CELF6: variants seen among roughly 807,000 people sequenced by gnomAD.
The protein encoded by CELF6 is CUGBP Elav-like family member 6.
Under a neutral mutation model 53.1 loss-of-function variants are expected in CELF6, and 32 were observed. The observed-to-expected ratio is 0.60, with a 90% CI of 0.46 to 0.81. The LOEUF (loss-of-function observed/expected upper bound fraction) is 0.81. CELF6 is among the 30% of genes least tolerant of loss of function. CELF6 has a pLI of 0.00. For missense variants in CELF6, 539 were observed against 669.5 expected (o/e 0.81, Z 2.15); for synonymous variants, 291 against 288.8 (o/e 1.01, Z -0.08).
In CELF6 at chr15:72,289,211, G is replaced by A. The variant is rs1279784294; in HGVS notation, c.957C>T (p.Gly319=). 6.4e-6 allele frequency: 10 copies of A among 1,573,178 alleles called. No homozygotes were observed. Among genetic ancestry groups the A allele is most frequent in the Middle Eastern group, 1.7e-4 (1 of 5,908 alleles). ...LPAPIGVNGF[G]PLTPQTNGQP... ...GGCCATTGGTCTGGGGGGTCAGAGGGCCGAATCCATTGACCCCGATGGGCG... is the reference window on the plus strand; with the variant it reads ...GGCCATTGGTCTGGGGGGTCAGAGGACCGAATCCATTGACCCCGATGGGCG... The change falls in exon 8 of 13, where the codon GGC becomes GGT. Residue 319 remains glycine, a synonymous_variant. Coordinates refer to ENST00000287202, the MANE Select transcript of CELF6 (RefSeq NM_052840.5). This position sits in a 1 kb window ranked among gnomAD's most constrained non-coding sequence, Gnocchi z 7.6.
chr15:72,294,567 C>CA (rs1468803462), intron 3 of CELF6, among the ~76,000 whole-genome samples: 1 of 152,068 alleles, frequency 6.6e-6, no homozygotes, highest in Non-Finnish European at 1.5e-5. Flanking sequence ...ATTCCACACA[C>CA]AAAAAAACTG....
intron 2 of CELF6, among the ~76,000 whole-genome samples, chr15:72,310,933 A>G (rs961292864): frequency 1.3e-5 from 2 of 152,154 alleles, no homozygotes. Context: ...GCTGCCCAAC[A>G]TGCACGATTC....
At chr15:72,309,113 A>C (rs1252830569) in intron 2 of CELF6, among the ~76,000 whole-genome samples, 1 of 152,174 alleles carries the variant, frequency 6.6e-6, no homozygotes, top group Admixed American at 6.5e-5. Context: ...GGGTCTCACT[A>C]TGTTGCCCAG....
At chr15:72,291,323 C>T (rs1370828222) in intron 3 of CELF6, among the ~76,000 whole-genome samples, 2 of 152,178 alleles carry the variant, frequency 1.3e-5, no homozygotes, top group Non-Finnish European at 2.9e-5. Flanking sequence ...GGGGTCCAGC[C>T]TGCTGTTAAA....
chr15:72,309,215 G>A (rs1170348465), intron 2 of CELF6, among the ~76,000 whole-genome samples: 1 of 152,184 alleles, frequency 6.6e-6, no homozygotes, highest in African/African-American at 2.4e-5. Flanking sequence ...GCCCAGACAG[G>A]AAAGGGTTTT....
chr15:72,299,800 G>C (rs554714486), intron 3 of CELF6, among the ~76,000 whole-genome samples: 127 of 152,320 alleles, frequency 8.3e-4, no homozygotes, highest in Non-Finnish European at 1.2e-3. Flanking sequence ...TAGGCCTGGA[G>C]TGTGGAGTAT....
At chr15:72,308,478 C>T (rs541258774) in intron 2 of CELF6, among the ~76,000 whole-genome samples, 5 of 152,168 alleles carry the variant, frequency 3.3e-5, no homozygotes, top group South Asian at 2.1e-4. Flanking sequence ...CTGCCTGCCT[C>T]GGCCTCCCAA....
intron 3 of CELF6, among the ~76,000 whole-genome samples, chr15:72,303,970 GCCTC>G (rs1244616398): frequency 6.6e-6 from 1 of 152,040 alleles, no homozygotes; most frequent in East Asian, 1.9e-4. Context: ...CGATTCTCCT[GCCTC>G]AGCCTCCCTG....
intron 2 of CELF6, among the ~76,000 whole-genome samples, chr15:72,311,319 C>T (rs1169498543): frequency 6.6e-6 from 1 of 150,684 alleles, no homozygotes; most frequent in East Asian, 2.0e-4. Context: ...TACGGTTTGA[C>T]TCTGGGACTC....
chr15:72,288,958 A>G lies in CELF6; in HGVS notation c.1031-28T>C, dbSNP rs2087960276. The G allele has an allele frequency of 1.3e-6, 2 of 1,543,998 alleles. No homozygotes were observed. The highest frequency in any genetic ancestry group is 2.4e-5 in the East Asian group (1 of 40,892). On this transcript the variant is annotated intron_variant, in intron 8 of 12. Coordinates refer to ENST00000287202, the MANE Select transcript of CELF6 (RefSeq NM_052840.5). The surrounding 1 kb of genome is among the most constrained non-coding windows in gnomAD (Gnocchi z 4.6). Reference sequence around the variant, plus strand: ...GGGGAGAGAGGGGCGCGAGGCCCACAGTGAAGGCAAGCGGGCGAGCAGAGT... The same window carrying G: ...GGGGAGAGAGGGGCGCGAGGCCCACGGTGAAGGCAAGCGGGCGAGCAGAGT...
intron 2 of CELF6, among the ~76,000 whole-genome samples, chr15:72,308,021 G>A (rs914750070): frequency 1.3e-5 from 2 of 152,132 alleles, no homozygotes; most frequent in Non-Finnish European, 2.9e-5. Context: ...CACTTGGCAT[G>A]GGAGTAGCCA....
chr15:72,316,894 G>C (rs554583059), intron 1 of CELF6, among the ~76,000 whole-genome samples: 1 of 152,292 alleles, frequency 6.6e-6, no homozygotes, highest in African/African-American at 2.4e-5. Context: ...AAATCATGAG[G>C]GACCCCTAAA....
intron 2 of CELF6, among the ~76,000 whole-genome samples, chr15:72,307,467 T>C (rs535025695): frequency 4.6e-5 from 7 of 152,334 alleles, no homozygotes; most frequent in African/African-American, 1.2e-4. Flanking sequence ...TACCATTTCC[T>C]GAGAGCCCAC....
At chr15:72,311,173 G>A (rs1205514466) in intron 2 of CELF6, among the ~76,000 whole-genome samples, 2 of 150,266 alleles carry the variant, frequency 1.3e-5, no homozygotes, top group Non-Finnish European at 3.0e-5. Flanking sequence ...TTGTATTTTT[G>A]TATTTTTAGT....
Position 72,315,865 on chromosome 15 carries a change from C to A in CELF6, c.325G>T (p.Glu109Ter). The A allele has an allele frequency of 6.2e-7, 1 of 1,604,518 alleles. No homozygotes were observed. The highest frequency in any genetic ancestry group is 1.7e-5 in the Admixed American group (1 of 58,646). ...CTTACCCCTGGCAGGGTCTTCTGCTCGTGCAGTGCACTCTGGGCCTTGAGA... is the reference window on the plus strand; with the variant it reads ...CTTACCCCTGGCAGGGTCTTCTGCTAGTGCAGTGCACTCTGGGCCTTGAGA... ...SALKAQSALH[E>*]QKTLPGMNRP... The change falls in exon 2 of 13, where the codon GAG (glutamate) becomes TAG (stop). Residue 109 changes from glutamate to a stop codon, truncating the protein, a stop_gained. Transcript: ENST00000287202. LOFTEE classifies it high-confidence loss of function.
chr15:72,286,879 A>G (rs2087929459), intron 12 of CELF6, among the ~76,000 whole-genome samples: 1 of 152,020 alleles, frequency 6.6e-6, no homozygotes, highest in Non-Finnish European at 1.5e-5. Context: ...TGGCCTGAAG[A>G]CCCTTGAAAA....
chr15:72,288,551 C>G lies in CELF6; in HGVS notation c.1161G>C (p.Gln387His), dbSNP rs773360805. 30 of 1,602,502 alleles carry G rather than the reference C, an allele frequency of 1.9e-5. No homozygotes were observed. The highest frequency in any genetic ancestry group is 2.6e-5 in the Non-Finnish European group (30 of 1,173,526). Residue 387 changes from glutamine (Q) to histidine (H), a missense_variant, in exon 10 of 13, where the codon CAG (glutamine) becomes CAC (histidine). Physicochemically the swap from Gln to His is conservative, Grantham distance 24. This residue lies in a region of CELF6 where 358 missense variants were observed against 412.8 expected (regional missense o/e 0.87). Coordinates refer to ENST00000287202, the MANE Select transcript of CELF6 (RefSeq NM_052840.5). The surrounding 1 kb of genome is among the most constrained non-coding windows in gnomAD (Gnocchi z 4.6). ...CCAGTCCCTCACCTTCTCTCTGCTG[C>G]TGGGGCAGGGCTGAAGGCTGCTGGG... ...AFPQQPSALP[Q>H]QQREGPEGCN...
rs1236432721 is a variant in CELF6 at position 72,285,852 on chromosome 15, G to A, written c.*519C>T. 1 of 152,598 alleles carries A rather than the reference G, an allele frequency of 6.6e-6. No homozygotes were observed. Among genetic ancestry groups the A allele is most frequent in the Non-Finnish European group, 1.5e-5 (1 of 68,050 alleles). 9.5% of individuals were successfully genotyped at this position (152,598 alleles called of 1,614,324 possible). A position where few individuals can be genotyped will look rare whatever the true frequency, so the allele number is the denominator to read the frequency against. ...CTTTCCACAGCCCCCATCTGCCTAG[G>A]CTGGGGCTGTCAAGGGTCTCCTTCA... On this transcript the variant is annotated 3_prime_UTR_variant, in exon 13 of 13. Transcript: ENST00000287202.
chr15:72,316,222 A>G (rs909935455), intron 1 of CELF6, among the ~76,000 whole-genome samples: 1 of 152,134 alleles, frequency 6.6e-6, no homozygotes, highest in Non-Finnish European at 1.5e-5. Context: ...CACTCCAGTC[A>G]CAAGTCCTGT....
Sources: allele counts gnomAD v4.1 joint callset (sites outside exome capture counted in the v4.1 genomes callset), GRCh38; gene constraint gnomAD v4.1.1; regional missense constraint gnomAD v4.1.1; non-coding constraint Gnocchi (gnomAD v3.1); transcripts MANE v1.5; gene names NCBI Gene and HGNC (gene_info 2026-07-23, HGNC 2026-07-21).